Variants in C16orf54 observed in about 807,000 individuals in gnomAD.
C16orf54 encodes transmembrane protein C16orf54.
In C16orf54, 2 loss-of-function variants were observed where a neutral mutation model predicts 3.9. The ratio of observed to expected loss-of-function variants is 0.52; its 90% CI spans 0.21 to 1.63. The LOEUF (loss-of-function observed/expected upper bound fraction) is 1.63. Among genes scored for constraint, C16orf54 ranks in the 40% most tolerant of loss-of-function variants. The pLI, the probability that C16orf54 is intolerant of heterozygous loss-of-function variation, is 0.21. For missense variants in C16orf54, 272 were observed against 326.3 expected, an observed-to-expected ratio of 0.83 and a Z score of 1.28; for synonymous variants, 128 against 135.1, an observed-to-expected ratio of 0.95 and a Z score of 0.37.
rs978485481 is a variant in C16orf54 at position 29,744,377 on chromosome 16, G to C, written c.575C>G (p.Pro192Arg). ...FGSPQARRQR[P>R]GSPDPEWGLQ... ...GCCCCACTCAGGATCCGGGCTCCCT[G>C]GCCGCTGCCTCCTGGCCTGGGGGCT... is the stretch of plus-strand genomic sequence containing the variant. The change falls in exon 2 of 2, where the codon CCA becomes CGA. Residue 192 changes from proline to arginine, a missense_variant. Physicochemically the swap from Pro to Arg is moderately radical, Grantham distance 103. Coordinates refer to ENST00000329410, the MANE Select transcript of C16orf54 (RefSeq NM_175900.4). The surrounding 1 kb of genome is among the most constrained non-coding windows in gnomAD (Gnocchi z 7.1). 1.2e-6 allele frequency: 2 copies of C among 1,610,522 alleles called. No homozygotes were observed. The highest frequency in any genetic ancestry group is 2.7e-5 in the African/African-American group (2 of 74,916).
Position 29,744,760 on chromosome 16 carries a change from G to C in C16orf54, c.192C>G (p.Asp64Glu), listed in dbSNP as rs749227397. 126 of 1,462,152 alleles carry C rather than the reference G, an allele frequency of 8.6e-5. No homozygotes were observed. Among genetic ancestry groups the C allele is most frequent in the Admixed American group, 1.5e-4 (5 of 34,368 alleles). 90.6% of individuals were successfully genotyped at this position (1,462,152 alleles called of 1,614,324 possible). A position where few individuals can be genotyped will look rare whatever the true frequency, so the allele number is the denominator to read the frequency against. Residue 64 changes from aspartate to glutamate, a missense_variant, in exon 2 of 2, where the codon GAC (aspartate) becomes GAG (glutamate). By Grantham distance (45) the Asp-to-Glu change is conservative. Transcript: ENST00000329410. This position sits in a 1 kb window ranked among gnomAD's most constrained non-coding sequence, Gnocchi z 7.1. ...CCAGGGTGGGTGCACGGTGGCTGGG[G>C]TCTGGGCGGAGAGCACGGCGGAACA... ...ERLFRRALRPDPSHRAPTLVW... is the reference protein window; with the variant it reads ...ERLFRRALRPEPSHRAPTLVW...
At position 29,744,686 on chromosome 16, in the gene C16orf54, C is replaced by T. The variant is rs143391821; in HGVS notation, c.266G>A (p.Arg89Gln). The change falls in exon 2 of 2, where the codon CGA becomes CAA. Residue 89 changes from arginine to glutamine, a missense_variant. Transcript: ENST00000329410. The surrounding 1 kb of genome is among the most constrained non-coding windows in gnomAD (Gnocchi z 7.1). ...ELWIEPMGTA[R>Q]ERSEDWYGSA... ...GCCATACCAGTCCTCAGAGCGCTCT[C>T]GGGCGGTGCCCATGGGCTCAATCCA... 97 of 1,469,944 alleles carry T rather than the reference C, an allele frequency of 6.6e-5. No individual in the cohort carries two copies. In the African/African-American group the frequency reaches 1.1e-3, roughly 17 times the overall value. The allele number at this position is 1,469,944 out of a possible 1,614,324, so 91.1% of individuals were successfully genotyped here. A position where few individuals can be genotyped will look rare whatever the true frequency, so the allele number is the denominator to read the frequency against.
At chr16:29,745,647 G>A (rs577789330) in intron 1 of C16orf54, among the ~76,000 whole-genome samples, 21 of 152,110 alleles carry the variant, frequency 1.4e-4, no homozygotes, top group African/African-American at 4.6e-4. Flanking sequence ...CTCCCCCACC[G>A]CCTGCCGCCA....
At position 29,744,672 on chromosome 16, in the gene C16orf54, C is replaced by T. The variant is rs1341344153; in HGVS notation, c.280G>A (p.Asp94Asn). Residue 94 changes from aspartate (D) to asparagine (N), a missense_variant, in exon 2 of 2, where the codon GAC (aspartate) becomes AAC (asparagine). Asp to Asn is a conservative substitution (Grantham distance 23). Transcript: ENST00000329410. The surrounding 1 kb of genome is among the most constrained non-coding windows in gnomAD (Gnocchi z 7.1). ...AGGGGGACCGCAGAGCCATACCAGT[C>T]CTCAGAGCGCTCTCGGGCGGTGCCC... Reference protein sequence around the residue: ...PMGTARERSEDWYGSAVPLLT... With the variant: ...PMGTARERSENWYGSAVPLLT... 1 of 1,472,604 alleles carries T rather than the reference C, an allele frequency of 6.8e-7. No homozygotes were observed. Among genetic ancestry groups the T allele is most frequent in the East Asian group, 2.4e-5 (1 of 40,904 alleles). 91.2% of individuals were successfully genotyped at this position (1,472,604 alleles called of 1,614,324 possible).
rs1968105769 is a variant in C16orf54 at position 29,744,283 on chromosome 16, C to T, written c.669G>A (p.Gly223=). 2 of 1,612,680 alleles carry T rather than the reference C, an allele frequency of 1.2e-6. No individual in the cohort carries two copies. Among genetic ancestry groups the T allele is most frequent in the Non-Finnish European group, 1.7e-6 (2 of 1,179,836 alleles). The change falls in exon 2 of 2, where the codon GGG becomes GGA. Residue 223 remains glycine, a synonymous_variant. Transcript: ENST00000329410. This position sits in a 1 kb window ranked among gnomAD's most constrained non-coding sequence, Gnocchi z 7.1. ...FWKREGRTSV[G]F Reference sequence around the variant, plus strand: ...TCTGGGGAACCCTGGGGATTCAGAACCCCACACTGGTCCGGCCTTCACGCT... The same window carrying T: ...TCTGGGGAACCCTGGGGATTCAGAATCCCACACTGGTCCGGCCTTCACGCT...
Position 29,744,204 on chromosome 16 carries a change from A to T in C16orf54, c.*73T>A. ...CTTCGCTGGGGCAGTCTCAATCCTA[A>T]TGCTGGATCCTGGGGTCCCCGGTCC... On this transcript the variant is annotated 3_prime_UTR_variant, in exon 2 of 2. Transcript: ENST00000329410. This position sits in a 1 kb window ranked among gnomAD's most constrained non-coding sequence, Gnocchi z 7.1. 2 of 1,341,426 alleles carry T rather than the reference A, an allele frequency of 1.5e-6. No homozygotes were observed. Among genetic ancestry groups the T allele is most frequent in the South Asian group, 2.5e-5 (2 of 80,848 alleles). The allele number at this position is 1,341,426 out of a possible 1,614,324, so 83.1% of individuals were successfully genotyped here. A position where few individuals can be genotyped will look rare whatever the true frequency, so the allele number is the denominator to read the frequency against.
In C16orf54 at chr16:29,744,760, G is replaced by A; in HGVS notation, c.192C>T (p.Asp64=). The A allele has an allele frequency of 6.8e-7, 1 of 1,462,270 alleles. No homozygotes were observed. Among genetic ancestry groups the A allele is most frequent in the Non-Finnish European group, 9.0e-7 (1 of 1,108,570 alleles). 90.6% of individuals were successfully genotyped at this position (1,462,270 alleles called of 1,614,324 possible). ...ERLFRRALRP[D]PSHRAPTLVW... is the part of the protein sequence containing the mutation. Reference sequence around the variant, plus strand: ...CCAGGGTGGGTGCACGGTGGCTGGGGTCTGGGCGGAGAGCACGGCGGAACA... The same window carrying A: ...CCAGGGTGGGTGCACGGTGGCTGGGATCTGGGCGGAGAGCACGGCGGAACA... The change falls in exon 2 of 2, where the codon GAC becomes GAT. Residue 64 remains aspartate (D), a synonymous_variant. Transcript: ENST00000329410. This position sits in a 1 kb window ranked among gnomAD's most constrained non-coding sequence, Gnocchi z 7.1.
chr16:29,744,915 C>G lies in C16orf54; in HGVS notation c.37G>C (p.Glu13Gln). ...LTPEPPSGRV[E>Q]GPPAWEAAPW... The stretch of plus-strand genomic sequence containing the variant: ...GCTGCTTCCCATGCGGGGGGCCCCT[C>G]CACGCGCCCAGAGGGCGGCTCTGGA... The change falls in exon 2 of 2, where the codon GAG (glutamate) becomes CAG (glutamine). Residue 13 changes from glutamate (E) to glutamine (Q), a missense_variant. By Grantham distance (29) the Glu-to-Gln change is conservative. Transcript: ENST00000329410. The surrounding 1 kb of genome is among the most constrained non-coding windows in gnomAD (Gnocchi z 7.1). The G allele has an allele frequency of 6.8e-7, 1 of 1,466,174 alleles. No homozygotes were observed. Among genetic ancestry groups the G allele is most frequent in the Non-Finnish European group, 9.0e-7 (1 of 1,111,452 alleles). The allele number at this position is 1,466,174 out of a possible 1,614,324, so 90.8% of individuals were successfully genotyped here. A position where few individuals can be genotyped will look rare whatever the true frequency, so the allele number is the denominator to read the frequency against.
rs940282966 is a variant in C16orf54 at position 29,743,345 on chromosome 16, T to A, written c.*932A>T. The A allele has an allele frequency of 6.8e-6, 1 of 147,396 alleles. No homozygotes were observed. The highest frequency in any genetic ancestry group is 2.5e-5 in the African/African-American group (1 of 40,282). The allele number at this position is 147,396 out of a possible 1,614,324, so 9.1% of individuals were successfully genotyped here. A position where few individuals can be genotyped will look rare whatever the true frequency, so the allele number is the denominator to read the frequency against. ...TCTGCTGCTCACCCACCTGCCTGCC[T>A]CTCCTAAAGGGAAGATTGGGTACTT... is the stretch of plus-strand genomic sequence containing the variant. On this transcript the variant is annotated 3_prime_UTR_variant, in exon 2 of 2. Transcript: ENST00000329410.
rs1968079519 is a variant in C16orf54, at chr16:29,742,853, GGT to G, written c.*1422_*1423del. 1 of 152,076 alleles carries G rather than the reference GGT, an allele frequency of 6.6e-6. No individual in the cohort carries two copies. Among genetic ancestry groups the G allele is most frequent in the Non-Finnish European group, 1.5e-5 (1 of 68,056 alleles). The allele number at this position is 152,076 out of a possible 1,614,324, so 9.4% of individuals were successfully genotyped here. A position where few individuals can be genotyped will look rare whatever the true frequency, so the allele number is the denominator to read the frequency against. On this transcript the variant is annotated 3_prime_UTR_variant, in exon 2 of 2. Coordinates refer to ENST00000329410, the MANE Select transcript of C16orf54 (RefSeq NM_175900.4). ...TAGTTCCACCTACTAGGGAGACTGA[GGT>G]GGGAGGATCACTTAAGCCCAGGAGT...
Position 29,744,466 on chromosome 16 carries a change from GGGGGGCCTCCCCTCCCA to G in C16orf54, c.469_485del (p.Trp157ArgfsTer9). 1 of 1,551,568 alleles carries G rather than the reference GGGGGGCCTCCCCTCCCA, an allele frequency of 6.4e-7. No individual in the cohort carries two copies. Among genetic ancestry groups the G allele is most frequent in the Non-Finnish European group, 8.7e-7 (1 of 1,147,724 alleles). On this transcript the variant is annotated frameshift_variant, in exon 2 of 2. Coordinates refer to ENST00000329410, the MANE Select transcript of C16orf54 (RefSeq NM_175900.4). LOFTEE classifies it low-confidence loss of function (END_TRUNC). The surrounding 1 kb of genome is among the most constrained non-coding windows in gnomAD (Gnocchi z 7.1). ...CAGCCCAGCTCACCAGGCCTGTGGC[GGGGGGCCTCCCCTCCCA>G]GGGCTGGGGCCCCCAGAAGGTGCTC...
At position 29,744,503 on chromosome 16, in the gene C16orf54, G is replaced by A; in HGVS notation, c.449C>T (p.Thr150Ile). The change falls in exon 2 of 2, where the codon ACC (threonine) becomes ATC (isoleucine). Residue 150 changes from threonine to isoleucine, a missense_variant. Thr to Ile is a moderately conservative substitution (Grantham distance 89). Coordinates refer to ENST00000329410, the MANE Select transcript of C16orf54 (RefSeq NM_175900.4). The surrounding 1 kb of genome is among the most constrained non-coding windows in gnomAD (Gnocchi z 7.1). ...QTVLEVPARSTFWGPQPWEGR... is the reference protein window; with the variant it reads ...QTVLEVPARSIFWGPQPWEGR... Reference sequence around the variant, plus strand: ...CTCCCAGGGCTGGGGCCCCCAGAAGGTGCTCCGGGCTGGGACCTCCAGTAC... The same window carrying A: ...CTCCCAGGGCTGGGGCCCCCAGAAGATGCTCCGGGCTGGGACCTCCAGTAC... 6.5e-7 allele frequency: 1 copy of A among 1,539,582 alleles called. No homozygotes were observed. The highest frequency in any genetic ancestry group is 8.7e-7 in the Non-Finnish European group (1 of 1,142,908).
chr16:29,744,688 G>A lies in C16orf54; in HGVS notation c.264C>T (p.Ala88=). Residue 88 remains alanine (A), a synonymous_variant, in exon 2 of 2, where the codon GCC becomes GCT. Transcript: ENST00000329410. The surrounding 1 kb of genome is among the most constrained non-coding windows in gnomAD (Gnocchi z 7.1). ...GELWIEPMGT[A]RERSEDWYGS... ...CATACCAGTCCTCAGAGCGCTCTCGGGCGGTGCCCATGGGCTCAATCCACA... is the reference window on the plus strand; with the variant it reads ...CATACCAGTCCTCAGAGCGCTCTCGAGCGGTGCCCATGGGCTCAATCCACA... The A allele has an allele frequency of 6.8e-7, 1 of 1,470,604 alleles. No individual in the cohort carries two copies. The highest frequency in any genetic ancestry group is 9.0e-7 in the Non-Finnish European group (1 of 1,111,980). The allele number at this position is 1,470,604 out of a possible 1,614,324, so 91.1% of individuals were successfully genotyped here.
In C16orf54 at chr16:29,744,609, C is replaced by A. The variant is rs1295295488; in HGVS notation, c.343G>T (p.Gly115Cys). ...DRAPEPPTQV[G>C]TLEARATAPP... ...GCTGTTGCTCGGGCCTCCAAAGTGC[C>A]CACCTGGGTGGGAGGCTCAGGGGCC... Residue 115 changes from glycine to cysteine, a missense_variant, in exon 2 of 2, where the codon GGC becomes TGC. Physicochemically the swap from Gly to Cys is radical, Grantham distance 159. Transcript: ENST00000329410. The surrounding 1 kb of genome is among the most constrained non-coding windows in gnomAD (Gnocchi z 7.1). 1.9e-5 allele frequency: 28 copies of A among 1,464,218 alleles called. No individual in the cohort carries two copies. The highest frequency in any genetic ancestry group is 1.9e-4 in the Middle Eastern group (1 of 5,260). 90.7% of individuals were successfully genotyped at this position (1,464,218 alleles called of 1,614,324 possible).
At position 29,744,477 on chromosome 16, in the gene C16orf54, C is replaced by T. The variant is rs1172502640; in HGVS notation, c.475G>A (p.Gly159Arg). The change falls in exon 2 of 2, where the codon GGG becomes AGG. Residue 159 changes from glycine to arginine, a missense_variant. Transcript: ENST00000329410. This position sits in a 1 kb window ranked among gnomAD's most constrained non-coding sequence, Gnocchi z 7.1. ...STFWGPQPWE[G>R]RPPATGLVSW... is the part of the protein sequence containing the mutation. ...ACCAGGCCTGTGGCGGGGGGCCTCC[C>T]CTCCCAGGGCTGGGGCCCCCAGAAG... 1.3e-6 allele frequency: 2 copies of T among 1,548,730 alleles called. No homozygotes were observed. Among genetic ancestry groups the T allele is most frequent in the South Asian group, 1.2e-5 (1 of 84,146 alleles).
Position 29,743,386 on chromosome 16 carries a change from T to C in C16orf54, c.*891A>G, listed in dbSNP as rs531437401. On this transcript the variant is annotated 3_prime_UTR_variant, in exon 2 of 2. Transcript: ENST00000329410. ...TTGGGTACTTGGGGTCCCATTTCTGTAGGGTGGAGCATTATAAGTAAGCCT... is the reference window on the plus strand; with the variant it reads ...TTGGGTACTTGGGGTCCCATTTCTGCAGGGTGGAGCATTATAAGTAAGCCT... The C allele has an allele frequency of 1.2e-3, 189 of 152,156 alleles. 1 individual carries two copies. The highest frequency in any genetic ancestry group is 4.3e-3 in the African/African-American group (178 of 41,488). The allele number at this position is 152,156 out of a possible 1,614,324, so 9.4% of individuals were successfully genotyped here.
Position 29,744,002 on chromosome 16 carries a change from C to T in C16orf54, c.*275G>A. On this transcript the variant is annotated 3_prime_UTR_variant, in exon 2 of 2. Transcript: ENST00000329410. The surrounding 1 kb of genome is among the most constrained non-coding windows in gnomAD (Gnocchi z 7.1). ...TGACTATCTAGTACCTTGGGTTCTTCATCTGGATGCGATCTTGAAGGCTTC... is the reference window on the plus strand; with the variant it reads ...TGACTATCTAGTACCTTGGGTTCTTTATCTGGATGCGATCTTGAAGGCTTC... 1.8e-6 allele frequency: 1 copy of T among 541,200 alleles called. No individual in the cohort carries two copies. The highest frequency in any genetic ancestry group is 3.3e-6 in the Non-Finnish European group (1 of 307,180). The allele number at this position is 541,200 out of a possible 1,614,324, so 33.5% of individuals were successfully genotyped here. A position where few individuals can be genotyped will look rare whatever the true frequency, so the allele number is the denominator to read the frequency against.
rs1211597116 is a variant in C16orf54, at chr16:29,744,011, G to A, written c.*266C>T. The stretch of plus-strand genomic sequence containing the variant: ...AGTACCTTGGGTTCTTCATCTGGAT[G>A]CGATCTTGAAGGCTTCTGGCCTGGC... On this transcript the variant is annotated 3_prime_UTR_variant, in exon 2 of 2. Coordinates refer to ENST00000329410, the MANE Select transcript of C16orf54 (RefSeq NM_175900.4). This position sits in a 1 kb window ranked among gnomAD's most constrained non-coding sequence, Gnocchi z 7.1. 4 of 553,390 alleles carry A rather than the reference G, an allele frequency of 7.2e-6. No individual in the cohort carries two copies. In the Admixed American group the frequency reaches 1.3e-4, roughly 19 times the overall value. 34.3% of individuals were successfully genotyped at this position (553,390 alleles called of 1,614,324 possible). A position where few individuals can be genotyped will look rare whatever the true frequency, so the allele number is the denominator to read the frequency against.
At chr16:29,745,753 C>A (rs373063386) in intron 1 of C16orf54, among the ~76,000 whole-genome samples, 158 bp downstream of exon 1, 1 of 152,146 alleles carries the variant, frequency 6.6e-6, no homozygotes, top group Non-Finnish European at 1.5e-5. Flanking sequence ...GCTGCCGGGC[C>A]GGGCCGGGCC....
Sources: allele counts gnomAD v4.1 joint callset (sites outside exome capture counted in the v4.1 genomes callset), GRCh38; gene constraint gnomAD v4.1.1; non-coding constraint Gnocchi (gnomAD v3.1); transcripts MANE v1.5; gene names NCBI Gene and HGNC (gene_info 2026-07-23, HGNC 2026-07-21).